The following ERBB4 variants were observed in gnomAD, a reference collection of about 807,000 sequenced individuals.
ERBB4 encodes the protein erb-b2 receptor tyrosine kinase 4.
In ERBB4, 42 loss-of-function variants were observed where a neutral mutation model predicts 158.0. The observed-to-expected ratio is 0.27, with a 90% CI of 0.21 to 0.34. The LOEUF is 0.34. Ranked by LOEUF, ERBB4 falls within the 10% of genes least tolerant of loss-of-function variation. The probability of loss-of-function intolerance (pLI) is 1.00; values close to 1 mark genes in which losing one functional copy is unlikely to be tolerated. For missense variants in ERBB4, 1,333 were observed against 1,624.1 expected (o/e 0.82, Z 3.08); for synonymous variants, 583 against 558.7 (o/e 1.04, Z -0.61).
intron 3 of ERBB4, among the ~76,000 whole-genome samples, chr2:211,795,301 C>T (rs916908256): frequency 1.3e-5 from 2 of 151,634 alleles, no homozygotes; most frequent in African/African-American, 2.4e-5. Context: ...AAAGGTGGGC[C>T]TTGTCCACCT....
chr2:212,329,251 C>A (rs1390434456), intron 1 of ERBB4, among the ~76,000 whole-genome samples: 2 of 151,670 alleles, frequency 1.3e-5, no homozygotes, highest in Non-Finnish European at 2.9e-5. Flanking sequence ...AAAAAAAAAA[C>A]TAGGCCTCTT....
intron 1 of ERBB4, among the ~76,000 whole-genome samples, chr2:212,229,242 A>T (rs959197425): frequency 1.3e-5 from 2 of 152,232 alleles, no homozygotes; most frequent in African/African-American, 4.8e-5. Flanking sequence ...GTAGAAGCAG[A>T]TAATTAGAAC....
intron 1 of ERBB4, among the ~76,000 whole-genome samples, chr2:212,353,310 G>T (rs2089330762): frequency 6.7e-6 from 1 of 150,218 alleles, no homozygotes; most frequent in Admixed American, 6.6e-5. Flanking sequence ...TATTATAAAA[G>T]ATATACAAAT....
intron 20 of ERBB4, among the ~76,000 whole-genome samples, chr2:211,537,299 T>C (rs1223044191): frequency 2.1e-5 from 3 of 144,588 alleles, no homozygotes; most frequent in South Asian, 2.5e-4. Flanking sequence ...AAATATGCAA[T>C]TGCTGTAAGG....
intron 19 of ERBB4, among the ~76,000 whole-genome samples, chr2:211,569,423 C>T (rs756333075): frequency 6.6e-6 from 1 of 152,152 alleles, no homozygotes; most frequent in African/African-American, 2.4e-5. Context: ...AAAATAATCT[C>T]CAGCCTCAGG....
At chr2:212,207,822 T>C (rs961711398) in intron 1 of ERBB4, among the ~76,000 whole-genome samples, 1 of 152,168 alleles carries the variant, frequency 6.6e-6, no homozygotes, top group Non-Finnish European at 1.5e-5. Flanking sequence ...TTAAAGAGTT[T>C]ATAGACTAGG....
intron 1 of ERBB4, among the ~76,000 whole-genome samples, chr2:212,469,331 T>C (rs978528637): frequency 1.3e-5 from 2 of 152,194 alleles, no homozygotes; most frequent in African/African-American, 4.8e-5. Flanking sequence ...TGAATGTCTC[T>C]TTCAAAAACA....
intron 1 of ERBB4, among the ~76,000 whole-genome samples, chr2:212,282,698 A>G (rs979972064): frequency 6.6e-6 from 1 of 151,874 alleles, no homozygotes; most frequent in South Asian, 2.1e-4. Flanking sequence ...CTTTGCCCCA[A>G]ACCCACTGAA....
chr2:212,301,296 T>C (rs899004275), intron 1 of ERBB4, among the ~76,000 whole-genome samples: 1 of 151,378 alleles, frequency 6.6e-6, no homozygotes, highest in African/African-American at 2.4e-5. Flanking sequence ...TCTTACAATG[T>C]TAAACAAAAA....
At position 211,507,966 on chromosome 2, in the gene ERBB4, C is replaced by A. The variant is rs554464107; in HGVS notation, c.2487+53937G>T. ...CTGAAACTGGACCCTTTCCTTACAC[C>A]TTATACACAAATTAACTCAAGATGG... is the stretch of plus-strand genomic sequence containing the variant. On this transcript the variant is annotated intron_variant, in intron 20 of 27. Transcript: ENST00000342788. Among the ~76,000 whole-genome samples, 38 of 152,156 alleles carry A rather than the reference C, an allele frequency of 2.5e-4. 1 individual carries two copies. Among genetic ancestry groups the A allele is most frequent in the Non-Finnish European group, 4.6e-4 (31 of 68,016 alleles).
chr2:211,628,290 G>A (rs973644884), intron 17 of ERBB4, among the ~76,000 whole-genome samples: 2 of 151,984 alleles, frequency 1.3e-5, no homozygotes, highest in Admixed American at 1.3e-4. Context: ...TTAACATTAG[G>A]TATATCTCCT....
intron 20 of ERBB4, among the ~76,000 whole-genome samples, chr2:211,484,846 T>C (rs1413995503): frequency 6.6e-6 from 1 of 152,156 alleles, no homozygotes; most frequent in Non-Finnish European, 1.5e-5. Context: ...CATTATCAAT[T>C]CACTTGGCCT....
chr2:211,880,161 T>G (rs926967094), intron 3 of ERBB4, among the ~76,000 whole-genome samples: 1 of 152,220 alleles, frequency 6.6e-6, no homozygotes, highest in East Asian at 1.9e-4. Flanking sequence ...AGTGTTTTGT[T>G]TTCTTCTGTC....
At chr2:211,764,225 C>T (rs79865352) in intron 4 of ERBB4, among the ~76,000 whole-genome samples, 4,088 of 152,222 alleles carry the variant, frequency 0.027, 239 homozygotes, top group East Asian at 0.19. Flanking sequence ...TCTTAATATA[C>T]TACTAGACAG....
rs1046740823 is a variant in ERBB4 at position 212,320,750 on chromosome 2, GTTTTGTTTT to G, written c.83-195856_83-195848del. ...GCCCTAGGGCCAGGTTTGTTGTTTT[GTTTTGTTTT>G]AGTAACAGGAGGATCATGATTACTT... On this transcript the variant is annotated intron_variant, in intron 1 of 27. Transcript: ENST00000342788. Among the ~76,000 whole-genome samples the G allele has an allele frequency of 6.4e-4, 96 of 149,816 alleles. 5 individuals are homozygous for G. Among genetic ancestry groups the G allele is most frequent in the African/African-American group, 2.3e-3 (95 of 41,206 alleles).
chr2:211,590,772 G>C (rs980757583), intron 19 of ERBB4, among the ~76,000 whole-genome samples: 2 of 152,090 alleles, frequency 1.3e-5, no homozygotes, highest in African/African-American at 2.4e-5. Flanking sequence ...TTGGGAAATC[G>C]GCTCTTTCTA....
chr2:211,829,575 C>G (rs2077175695), intron 3 of ERBB4, among the ~76,000 whole-genome samples: 1 of 152,096 alleles, frequency 6.6e-6, no homozygotes, highest in South Asian at 2.1e-4. Flanking sequence ...ATCTGCTTCT[C>G]ACTGCTAGGA....
chr2:212,482,392 A>C (rs1689749296), intron 1 of ERBB4, among the ~76,000 whole-genome samples: 1 of 152,220 alleles, frequency 6.6e-6, no homozygotes, highest in East Asian at 1.9e-4. Context: ...AATCAGCCAT[A>C]ACTTCCACAA....
rs774010959 is a variant in ERBB4, at chr2:212,064,804, A to G, written c.234+59948T>C. Among the ~76,000 whole-genome samples the G allele has an allele frequency of 2.2e-4, 34 of 152,168 alleles. 1 individual carries two copies. The highest frequency in any genetic ancestry group is 3.7e-4 in the Non-Finnish European group (25 of 68,016). On this transcript the variant is annotated intron_variant, in intron 2 of 27. Transcript: ENST00000342788. ...AAAAGGAGAAAGGAGGATAGCATAA[A>G]GAAAGGTATTGAGACCAGAACAAGT...
Sources: allele counts gnomAD v4.1 joint callset (sites outside exome capture counted in the v4.1 genomes callset), GRCh38; gene constraint gnomAD v4.1.1; transcripts MANE v1.5; gene names NCBI Gene and HGNC (gene_info 2026-07-23, HGNC 2026-07-21).